DGAT2: variants seen among roughly 807,000 people sequenced by gnomAD.
The protein encoded by DGAT2 is acyl-CoA retinol O-fatty-acyltransferase.
A neutral mutation model predicts 48.4 loss-of-function variants in DGAT2; 33 were observed. That is an observed-to-expected ratio of 0.68 (90% CI 0.52 to 0.91). The LOEUF (loss-of-function observed/expected upper bound fraction) is 0.91, where lower values mean the gene tolerates loss of function less well. Among genes scored for constraint, DGAT2 ranks in the 40% least tolerant of loss-of-function variants. DGAT2 has a pLI of 0.00. For missense variants in DGAT2, 446 were observed against 493.7 expected (o/e 0.90, Z 0.92); for synonymous variants, 191 against 194.1 (o/e 0.98, Z 0.13).
chr11:75,780,626 A>C (rs1468170831), intron 1 of DGAT2, among the ~76,000 whole-genome samples: 1 of 151,928 alleles, frequency 6.6e-6, no homozygotes, highest in Non-Finnish European at 1.5e-5. Flanking sequence ...CAGATCATTC[A>C]TTTCTCCCCT....
chr11:75,768,909 C>G lies in DGAT2; in HGVS notation c.-83C>G, dbSNP rs938275236. 4 of 1,357,702 alleles carry G rather than the reference C, an allele frequency of 2.9e-6. No individual in the cohort carries two copies. The highest frequency in any genetic ancestry group is 3.8e-6 in the Non-Finnish European group (4 of 1,059,230). 84.1% of individuals were successfully genotyped at this position (1,357,702 alleles called of 1,614,324 possible). A position where few individuals can be genotyped will look rare whatever the true frequency, so the allele number is the denominator to read the frequency against. ...GGGACCCCTGTGCTCTGCGCGAAGCCCTGGCCCCGGGGGCCGGGGCATGGG... is the reference window on the plus strand; with the variant it reads ...GGGACCCCTGTGCTCTGCGCGAAGCGCTGGCCCCGGGGGCCGGGGCATGGG... On this transcript the variant is annotated 5_prime_UTR_variant, in exon 1 of 8. Transcript: ENST00000228027.
intron 4 of DGAT2, chr11:75,794,182 T>A (rs572517163): frequency 6.6e-6 from 1 of 152,390 alleles, no homozygotes; most frequent in African/African-American, 2.4e-5. Flanking sequence ...CCAGCCAGCC[T>A]TTTCCATCCC....
rs1405195762 is a variant in DGAT2 at position 75,800,429 on chromosome 11, T to C, written c.1088T>C (p.Met363Thr). 4 of 1,614,038 alleles carry C rather than the reference T, an allele frequency of 2.5e-6. No individual in the cohort carries two copies. The highest frequency in any genetic ancestry group is 1.7e-5 in the Admixed American group (1 of 60,008). Residue 363 changes from methionine (M) to threonine (T), a missense_variant, in exon 8 of 8, where the codon ATG becomes ACG. By Grantham distance (81) the Met-to-Thr change is moderately conservative (BLOSUM62 -1). Transcript: ENST00000228027. ...QDIDLYHTMY[M>T]EALVKLFDKH... Reference sequence around the variant, plus strand: ...ATCGACCTGTACCACACCATGTACATGGAGGCCCTGGTGAAGCTCTTCGAC... The same window carrying C: ...ATCGACCTGTACCACACCATGTACACGGAGGCCCTGGTGAAGCTCTTCGAC...
intron 1 of DGAT2, among the ~76,000 whole-genome samples, chr11:75,772,447 C>G (rs1011557466): frequency 6.6e-6 from 1 of 152,102 alleles, no homozygotes; most frequent in African/African-American, 2.4e-5. Context: ...AGCATTACTC[C>G]CAATTCAGTC....
intron 1 of DGAT2, among the ~76,000 whole-genome samples, chr11:75,771,712 A>G (rs113343455): frequency 6.6e-6 from 1 of 152,038 alleles, no homozygotes; most frequent in African/African-American, 2.4e-5. Context: ...TCCCTCTCCA[A>G]TTCCGTGTGG....
intron 1 of DGAT2, chr11:75,776,340 T>C (rs531670369): frequency 6.6e-6 from 1 of 152,374 alleles, no homozygotes; most frequent in African/African-American, 2.4e-5. Flanking sequence ...GAATGAGACA[T>C]GGTCCCTGCA....
intron 1 of DGAT2, among the ~76,000 whole-genome samples, chr11:75,779,015 C>CTT (rs923761946): frequency 6.6e-6 from 1 of 152,146 alleles, no homozygotes; most frequent in Non-Finnish European, 1.5e-5. Context: ...GGTTGGGGCT[C>CTT]AGACACTGCT....
chr11:75,794,204 G>C (rs1169657497), intron 4 of DGAT2: 1 of 152,254 alleles, frequency 6.6e-6, no homozygotes, highest in Non-Finnish European at 1.5e-5. Context: ...TCTGTCACCT[G>C]AAGATTTGCA....
chr11:75,779,707 T>A (rs1246441675), intron 1 of DGAT2, among the ~76,000 whole-genome samples: 1 of 152,204 alleles, frequency 6.6e-6, no homozygotes, highest in South Asian at 2.1e-4. Context: ...GTTGGGAATC[T>A]TCCCCTACAG....
At chr11:75,788,141 C>T (rs1336630165) in intron 2 of DGAT2, among the ~76,000 whole-genome samples, 1 of 152,154 alleles carries the variant, frequency 6.6e-6, no homozygotes, top group African/African-American at 2.4e-5. Flanking sequence ...ATAGCCTAAA[C>T]CTCATCGTCC....
At chr11:75,784,859 C>T (rs1944904844) in intron 2 of DGAT2, 113 bp downstream of exon 2, 2 of 1,427,308 alleles carry the variant, frequency 1.4e-6, no homozygotes, top group Admixed American at 2.0e-5. Context: ...AACTCTTACA[C>T]ATGCTGCCCC....
At chr11:75,796,669 A>ACCCAC in intron 5 of DGAT2, 137 bp downstream of exon 5, 1 of 857,586 alleles carries the variant, frequency 1.2e-6, no homozygotes, top group Non-Finnish European at 1.8e-6. Context: ...CCTGCTTCAG[A>ACCCAC]CATGGTGGGT....
chr11:75,774,748 T>A (rs1156897425), intron 1 of DGAT2, among the ~76,000 whole-genome samples: 1 of 152,196 alleles, frequency 6.6e-6, no homozygotes, highest in East Asian at 1.9e-4. Flanking sequence ...GAAGAACCTG[T>A]CTCCCCATGC....
At chr11:75,769,681 C>T (rs1269660398) in intron 1 of DGAT2, among the ~76,000 whole-genome samples, 2 of 152,034 alleles carry the variant, frequency 1.3e-5, no homozygotes, top group African/African-American at 2.4e-5. Context: ...AATCAACCCC[C>T]GCCCCGCACC....
Position 75,790,279 on chromosome 11 carries a change from G to T in DGAT2, c.342G>T (p.Trp114Cys). The T allele has an allele frequency of 4.3e-6, 7 of 1,613,962 alleles. No individual in the cohort carries two copies. The highest frequency in any genetic ancestry group is 5.9e-6 in the Non-Finnish European group (7 of 1,179,882). ...VLYFTWLVFD[W>C]NTPKKGGRRS... ...ACTTCACTTGGCTGGTGTTTGACTG[G>T]AACACACCCAAGAAAGGTAAGTGCA... is the stretch of plus-strand genomic sequence containing the variant. Residue 114 changes from tryptophan (W) to cysteine (C), a missense_variant, in exon 3 of 8, where the codon TGG becomes TGT. Trp to Cys is a radical substitution (Grantham distance 215). Coordinates refer to ENST00000228027, the MANE Select transcript of DGAT2 (RefSeq NM_032564.5).
chr11:75,784,449 TA>T, intron 1 of DGAT2, 168 bp from the exon 2 acceptor site: 6 of 838,384 alleles, frequency 7.2e-6, no homozygotes, highest in Non-Finnish European at 1.1e-5. Flanking sequence ...AGCCCAGAGT[TA>T]CAAAGCCATG....
At chr11:75,786,433 A>G (rs1590870319) in intron 2 of DGAT2, among the ~76,000 whole-genome samples, 1 of 151,964 alleles carries the variant, frequency 6.6e-6, no homozygotes, top group African/African-American at 2.4e-5. Context: ...TCCCTGTTGC[A>G]CCCCAAAGCT....
chr11:75,798,497 G>C, intron 7 of DGAT2, 68 bp downstream of exon 7: 1 of 1,547,780 alleles, frequency 6.5e-7, no homozygotes, highest in Middle Eastern at 2.3e-4. Flanking sequence ...ATCAGCAGTA[G>C]AGACGGGATT....
chr11:75,785,239 T>G (rs538498580), intron 2 of DGAT2, among the ~76,000 whole-genome samples: 57 of 152,358 alleles, frequency 3.7e-4, no homozygotes, highest in African/African-American at 1.3e-3. Context: ...TTCCTCATTT[T>G]GAGTGTGAGG....
Sources: allele counts gnomAD v4.1 joint callset (sites outside exome capture counted in the v4.1 genomes callset), GRCh38; gene constraint gnomAD v4.1.1; transcripts MANE v1.5; gene names NCBI Gene and HGNC (gene_info 2026-07-23, HGNC 2026-07-21).